Variants in GABRG3 observed in about 807,000 individuals in gnomAD.
GABRG3 encodes gamma-aminobutyric acid receptor subunit gamma-3.
GABRG3 carries 25 observed loss-of-function variants against 48.8 expected under a neutral mutation model. That is an observed-to-expected ratio of 0.51 (90% confidence interval 0.37 to 0.72). GABRG3 has a LOEUF of 0.72. Among genes scored for constraint, GABRG3 ranks in the 30% least tolerant of loss-of-function variants. The pLI is 0.00. For synonymous variants in GABRG3, 227 were observed against 217.6 expected (o/e 1.04, Z -0.38); for missense variants, 394 against 577.9 (o/e 0.68, Z 3.26).
At chr15:27,064,175 C>T (rs1896698479) in intron 3 of GABRG3, among the ~76,000 whole-genome samples, 1 of 152,192 alleles carries the variant, frequency 6.6e-6, no homozygotes, top group Non-Finnish European at 1.5e-5. Context: ...GCAGCCTCTC[C>T]CCAGGAGGGC....
chr15:27,321,621 G>A (rs1349910986), intron 3 of GABRG3, among the ~76,000 whole-genome samples: 1 of 152,214 alleles, frequency 6.6e-6, no homozygotes, highest in Non-Finnish European at 1.5e-5. Flanking sequence ...AAAACAGCCA[G>A]TGGCTTCTTT....
Position 27,180,465 on chromosome 15 carries a change from T to C in GABRG3, c.271-146344T>C, listed in dbSNP as rs575223114. 5.9e-4 allele frequency among the ~76,000 whole-genome samples: 90 copies of C among 152,210 alleles called. No homozygotes were observed. The highest frequency in any genetic ancestry group is 1.0e-3 in the Non-Finnish European group (70 of 68,022). On this transcript the variant is annotated intron_variant, in intron 3 of 9. Transcript: ENST00000615808. This position sits in a 1 kb window ranked among gnomAD's most constrained non-coding sequence, Gnocchi z 4.2. Reference sequence around the variant, plus strand: ...CACTCGGGACTCTCTGCCTACCCTATGCTTGCACTAGATTCATCACGAAGC... The same window carrying C: ...CACTCGGGACTCTCTGCCTACCCTACGCTTGCACTAGATTCATCACGAAGC...
At chr15:27,401,752 T>A (rs1887481502) in intron 5 of GABRG3, among the ~76,000 whole-genome samples, 1 of 152,252 alleles carries the variant, frequency 6.6e-6, no homozygotes, top group Non-Finnish European at 1.5e-5. Context: ...TTCATAAAGC[T>A]TAAGATGAGA....
intron 3 of GABRG3, among the ~76,000 whole-genome samples, chr15:27,312,245 T>G (rs1893021964): frequency 6.6e-6 from 1 of 152,036 alleles, no homozygotes; most frequent in Non-Finnish European, 1.5e-5. Context: ...CACTGAAGAT[T>G]ATTCAGTCAT....
At chr15:27,098,500 G>C (rs1279993202) in intron 3 of GABRG3, among the ~76,000 whole-genome samples, 1 of 152,138 alleles carries the variant, frequency 6.6e-6, no homozygotes, top group African/African-American at 2.4e-5. Flanking sequence ...TAATTTTGAA[G>C]ATATGATATC....
chr15:27,472,330 C>G (rs1391700513), intron 5 of GABRG3, among the ~76,000 whole-genome samples: 1 of 152,078 alleles, frequency 6.6e-6, no homozygotes, highest in Non-Finnish European at 1.5e-5. Context: ...GGCTGGAGTG[C>G]AGTGGTGCAA....
chr15:27,222,948 A>G (rs562180630), intron 3 of GABRG3, among the ~76,000 whole-genome samples: 1 of 152,284 alleles, frequency 6.6e-6, no homozygotes, highest in South Asian at 2.1e-4. Flanking sequence ...GAATGAAAAC[A>G]ATCAACTTTC....
At chr15:27,265,002 C>T (rs1890874854) in intron 3 of GABRG3, among the ~76,000 whole-genome samples, 1 of 152,108 alleles carries the variant, frequency 6.6e-6, no homozygotes, top group African/African-American at 2.4e-5. Context: ...AACCCTAGTT[C>T]TCACCATTAT....
At chr15:27,062,716 A>G (rs1261864035) in intron 3 of GABRG3, among the ~76,000 whole-genome samples, 3 of 152,194 alleles carry the variant, frequency 2.0e-5, no homozygotes, top group East Asian at 1.9e-4. Flanking sequence ...ACTGTGAACA[A>G]TCCTTTAACC....
At chr15:27,415,839 A>G (rs1189109958) in intron 5 of GABRG3, among the ~76,000 whole-genome samples, 1 of 150,928 alleles carries the variant, frequency 6.6e-6, no homozygotes, top group Non-Finnish European at 1.5e-5. Flanking sequence ...CTTTTGTCCT[A>G]AGCAAATAGC....
At chr15:27,303,780 G>C (rs1892296838) in intron 3 of GABRG3, among the ~76,000 whole-genome samples, 1 of 150,276 alleles carries the variant, frequency 6.7e-6, no homozygotes, top group Non-Finnish European at 1.5e-5. Context: ...ACACATCTAT[G>C]TATATACATA....
Position 26,971,496 on chromosome 15 carries a change from G to A in GABRG3, c.-40G>A. The stretch of plus-strand genomic sequence containing the variant: ...TCCGCGCCGGAGGAAGCCGCGCCCG[G>A]CCGAGGCCCCGGACCCTGCGCCCCG... On this transcript the variant is annotated 5_prime_UTR_variant, in exon 1 of 10. Transcript: ENST00000615808. The A allele has an allele frequency of 2.0e-6, 3 of 1,467,230 alleles. No homozygotes were observed. Among genetic ancestry groups the A allele is most frequent in the Non-Finnish European group, 1.8e-6 (2 of 1,104,432 alleles). 90.9% of individuals were successfully genotyped at this position (1,467,230 alleles called of 1,614,324 possible).
intron 3 of GABRG3, among the ~76,000 whole-genome samples, chr15:27,313,266 A>ATATATATATATATATATATATG (rs1566779082): frequency 6.9e-5 from 1 of 14,440 alleles, no homozygotes; most frequent in African/African-American, 3.2e-4. Flanking sequence ...GTGTGTGTAT[A>ATATATATATATATATATATATG]TATATATATA....
chr15:27,414,938 G>C (rs1887898267), intron 5 of GABRG3, among the ~76,000 whole-genome samples: 1 of 152,022 alleles, frequency 6.6e-6, no homozygotes, highest in Non-Finnish European at 1.5e-5. Context: ...TGATTTTCGG[G>C]AGTGTGAAAG....
Position 27,179,693 on chromosome 15 carries a change from G to GT in GABRG3, c.271-147113dup, listed in dbSNP as rs1328245350. Among the ~76,000 whole-genome samples the GT allele has an allele frequency of 2.6e-4, 40 of 152,100 alleles. No individual in the cohort carries two copies. Among genetic ancestry groups the GT allele is most frequent in the Admixed American group, 2.6e-3 (40 of 15,270 alleles). On this transcript the variant is annotated intron_variant, in intron 3 of 9. Coordinates refer to ENST00000615808, the MANE Select transcript of GABRG3 (RefSeq NM_033223.5). This position sits in a 1 kb window ranked among gnomAD's most constrained non-coding sequence, Gnocchi z 4.0. ...TTCATCTTGTATCTTCAGAAGTTTT[G>GT]TTTGATTCTCTATTTGTTGCCATCT...
At chr15:27,383,755 A>G (rs962405307) in intron 5 of GABRG3, among the ~76,000 whole-genome samples, 1 of 152,200 alleles carries the variant, frequency 6.6e-6, no homozygotes, top group African/African-American at 2.4e-5. Context: ...CATTTTCTTC[A>G]TTGTTTATTT....
intron 5 of GABRG3, among the ~76,000 whole-genome samples, chr15:27,404,196 G>A (rs531553786): frequency 2.0e-5 from 3 of 152,276 alleles, no homozygotes; most frequent in Admixed American, 6.5e-5. Context: ...ACTCTAGCCT[G>A]GGCGACAGAG....
chr15:27,313,056 A>T (rs1388331412), intron 3 of GABRG3, among the ~76,000 whole-genome samples: 1 of 149,710 alleles, frequency 6.7e-6, no homozygotes, highest in African/African-American at 2.4e-5. Flanking sequence ...CTCCATGCAA[A>T]TGGCAACCAA....
rs577056873 is a variant in GABRG3 at position 27,210,309 on chromosome 15, A to G, written c.271-116500A>G. Among the ~76,000 whole-genome samples the G allele has an allele frequency of 3.0e-3, 460 of 152,322 alleles. 1 individual carries two copies. The highest frequency in any genetic ancestry group is 5.0e-3 in the Non-Finnish European group (337 of 68,038). On this transcript the variant is annotated intron_variant, in intron 3 of 9. Transcript: ENST00000615808. ...CACATGCACAGTCTCTGTCTTACAG[A>G]TGCGAAAATAAGTGAGTTTAGATGA...
Sources: allele counts gnomAD v4.1 joint callset (sites outside exome capture counted in the v4.1 genomes callset), GRCh38; gene constraint gnomAD v4.1.1; non-coding constraint Gnocchi (gnomAD v3.1); transcripts MANE v1.5; gene names NCBI Gene and HGNC (gene_info 2026-07-23, HGNC 2026-07-21).